SPECC1L: variants seen among roughly 807,000 people sequenced by gnomAD.
SPECC1L encodes cytospin-A.
SPECC1L carries 40 observed loss-of-function variants against 116.8 expected under a neutral mutation model. The ratio of observed to expected loss-of-function variants is 0.34; its 90% CI spans 0.27 to 0.45. The LOEUF is 0.45. SPECC1L is among the 20% of genes least tolerant of loss of function. The pLI is 1.00. For missense variants in SPECC1L, 1,110 were observed against 1,373.6 expected, an observed-to-expected ratio of 0.81 and a Z score of 3.03; for synonymous variants, 504 against 500.6, an observed-to-expected ratio of 1.01 and a Z score of -0.09.
intron 5 of SPECC1L, among the ~76,000 whole-genome samples, 193 bp from the exon 6 acceptor site, chr22:24,324,027 T>G (rs1049421466): frequency 6.6e-6 from 1 of 152,190 alleles, no homozygotes; most frequent in Non-Finnish European, 1.5e-5. Context: ...ACAGCAACAG[T>G]TTAAGTGTAT....
At chr22:24,376,240 G>A (rs571602123) in intron 14 of SPECC1L, among the ~76,000 whole-genome samples, 1 of 152,144 alleles carries the variant, frequency 6.6e-6, no homozygotes, top group Non-Finnish European at 1.5e-5. Flanking sequence ...GCCCAGTCTA[G>A]GTTCAGACTT....
intron 11 of SPECC1L, among the ~76,000 whole-genome samples, chr22:24,355,253 A>T (rs1328285168): frequency 7.1e-6 from 1 of 141,232 alleles, no homozygotes; most frequent in Non-Finnish European, 1.5e-5. Flanking sequence ...ACTGCACTCC[A>T]GCTTGGCAAC....
At chr22:24,330,206 A>T in intron 7 of SPECC1L, 50 bp from the exon 8 acceptor site, 2 of 1,586,820 alleles carry the variant, frequency 1.3e-6, no homozygotes, top group Non-Finnish European at 1.7e-6. Flanking sequence ...GCTTTTAAAT[A>T]AATCTTGATT....
rs573435783 is a variant in SPECC1L at position 24,308,400 on chromosome 22, C to T, written c.154-4913C>T. Among the ~76,000 whole-genome samples the T allele has an allele frequency of 1.6e-4, 24 of 152,236 alleles. No individual in the cohort carries two copies. In the South Asian group the frequency reaches 4.4e-3, roughly 28 times the overall value. The stretch of plus-strand genomic sequence containing the variant: ...TTATCACCTTGACATTTCTAAGGAG[C>T]GAAAGGCAGTTATTTGATAGGCTGC... On this transcript the variant is annotated intron_variant, in intron 3 of 16. Coordinates refer to ENST00000314328, the MANE Select transcript of SPECC1L (RefSeq NM_015330.6).
chr22:24,308,155 G>A (rs918583800), intron 3 of SPECC1L, among the ~76,000 whole-genome samples: 5 of 152,014 alleles, frequency 3.3e-5, no homozygotes, highest in African/African-American at 9.7e-5. Context: ...AGAAAAACAA[G>A]GACATTCTTT....
At chr22:24,412,313 G>C (rs2042714289) in intron 15 of SPECC1L, 4 of 418,604 alleles carry the variant, frequency 9.6e-6, no homozygotes, top group South Asian at 8.6e-5. Context: ...AGATCCCTGT[G>C]GGGGAAGCTC....
intron 11 of SPECC1L, among the ~76,000 whole-genome samples, chr22:24,356,333 A>G (rs1381268066): frequency 6.6e-6 from 1 of 152,228 alleles, no homozygotes; most frequent in South Asian, 2.1e-4. Context: ...GTTTTACCTC[A>G]TGTATCTTAA....
At chr22:24,287,508 G>A (rs1275816374) in intron 2 of SPECC1L, among the ~76,000 whole-genome samples, 1 of 152,160 alleles carries the variant, frequency 6.6e-6, no homozygotes, top group Non-Finnish European at 1.5e-5. Context: ...AGGGAATGCC[G>A]CGAGGTCAGG....
chr22:24,385,986 T>C (rs2042153649), intron 14 of SPECC1L, among the ~76,000 whole-genome samples: 1 of 152,190 alleles, frequency 6.6e-6, no homozygotes, highest in African/African-American at 2.4e-5. Flanking sequence ...ATTGGCCACA[T>C]GCACTGTCAA....
intron 2 of SPECC1L, among the ~76,000 whole-genome samples, chr22:24,298,978 C>T (rs1326187223): frequency 6.6e-6 from 1 of 152,138 alleles, no homozygotes; most frequent in Non-Finnish European, 1.5e-5. Flanking sequence ...GAATCAATCA[C>T]ATTATTGATA....
At chr22:24,412,807 G>A in intron 16 of SPECC1L, 100 bp downstream of exon 16, 1 of 1,332,982 alleles carries the variant, frequency 7.5e-7, no homozygotes, top group African/African-American at 1.4e-5. Flanking sequence ...GGGGTAGTGT[G>A]GCTGCCTGGT....
intron 4 of SPECC1L, among the ~76,000 whole-genome samples, chr22:24,314,630 A>G (rs1359159555): frequency 3.3e-5 from 5 of 152,206 alleles, no homozygotes; most frequent in African/African-American, 1.2e-4. Flanking sequence ...CATATGACCT[A>G]TAGAGTTTCT....
At chr22:24,412,822 G>A (rs2042725935) in intron 16 of SPECC1L, 115 bp downstream of exon 16, 22 of 1,132,390 alleles carry the variant, frequency 1.9e-5, no homozygotes, top group Non-Finnish European at 2.9e-5. Context: ...CCTGGTAAAA[G>A]GCAGCTATGG....
At chr22:24,405,086 C>T (rs2042558696) in intron 14 of SPECC1L, among the ~76,000 whole-genome samples, 1 of 152,246 alleles carries the variant, frequency 6.6e-6, no homozygotes, top group Non-Finnish European at 1.5e-5. Context: ...AATCCACACA[C>T]TGGTGGCCCC....
intron 14 of SPECC1L, among the ~76,000 whole-genome samples, chr22:24,385,623 TAAAAC>T (rs2042147070): frequency 1.3e-5 from 2 of 152,092 alleles, no homozygotes; most frequent in African/African-American, 4.8e-5. Context: ...GATAAAGAAT[TAAAAC>T]AATAACAATA....
intron 3 of SPECC1L, among the ~76,000 whole-genome samples, chr22:24,310,802 C>T (rs1278717592): frequency 6.6e-6 from 1 of 152,000 alleles, no homozygotes; most frequent in Admixed American, 6.6e-5. Flanking sequence ...TTTGGTTGTA[C>T]AAAACATTTT....
chr22:24,281,517 C>G lies in SPECC1L; in HGVS notation c.-38+4714C>G, dbSNP rs571150747. 3.3e-5 allele frequency among the ~76,000 whole-genome samples: 5 copies of G among 152,248 alleles called. 1 individual carries two copies. Among genetic ancestry groups the G allele is most frequent in the South Asian group, 4.2e-4 (2 of 4,818 alleles). ...ATTTTGTAGTTTTCAGTGTACAAAT[C>G]TTTCCAGTTTTTTGAAGGGATGTGG... On this transcript the variant is annotated intron_variant, in intron 2 of 16. Transcript: ENST00000314328.
chr22:24,279,373 A>G (rs1277012324), intron 2 of SPECC1L, among the ~76,000 whole-genome samples: 2 of 152,128 alleles, frequency 1.3e-5, no homozygotes, highest in African/African-American at 2.4e-5. Flanking sequence ...ATTTTTAAAA[A>G]AAATTTGACT....
Position 24,416,947 on chromosome 22 carries a change from A to T in SPECC1L, c.*2324A>T, listed in dbSNP as rs1213086037. ...GTTTGCGTGCAGAGCTGCAAGGGAG[A>T]GGGTTCCAGAAGCATTGCCTTTTGC... On this transcript the variant is annotated 3_prime_UTR_variant, in exon 17 of 17. Transcript: ENST00000314328. The T allele has an allele frequency of 6.6e-6, 1 of 152,294 alleles. No individual in the cohort carries two copies. Among genetic ancestry groups the T allele is most frequent in the Non-Finnish European group, 1.5e-5 (1 of 68,090 alleles). 9.4% of individuals were successfully genotyped at this position (152,294 alleles called of 1,614,324 possible).
Sources: allele counts gnomAD v4.1 joint callset (sites outside exome capture counted in the v4.1 genomes callset), GRCh38; gene constraint gnomAD v4.1.1; transcripts MANE v1.5; gene names NCBI Gene and HGNC (gene_info 2026-07-23, HGNC 2026-07-21).